The following RBM46 variants were observed in gnomAD, a reference collection of about 807,000 sequenced individuals.
The protein encoded by RBM46 is probable RNA-binding protein 46.
RBM46 carries 12 observed loss-of-function variants against 43.3 expected under a neutral mutation model. The ratio of observed to expected loss-of-function variants is 0.28; its 90% confidence interval spans 0.18 to 0.45. The LOEUF (loss-of-function observed/expected upper bound fraction) is 0.45. Among genes scored for constraint, RBM46 ranks in the 20% least tolerant of loss-of-function variants. RBM46 has a pLI of 1.00. For synonymous variants in RBM46, 205 were observed against 207.6 expected (o/e 0.99, Z 0.11); for missense variants, 412 against 639.1 (o/e 0.64, Z 3.83).
In RBM46 at chr4:154,794,331, C is replaced by T. The variant is rs553887619; in HGVS notation, c.-11-2411C>T. On this transcript the variant is annotated intron_variant, in intron 1 of 4. Transcript: ENST00000281722. ...GAGTAGCTGGGACTACAGGCACCCG[C>T]CACCACGCCCGGCTAAATTTTTCTA... 7.2e-5 allele frequency among the ~76,000 whole-genome samples: 11 copies of T among 152,118 alleles called. No homozygotes were observed. The South Asian group carries it at 2.1e-3, about 29-fold the overall frequency.
chr4:154,796,384 G>C (rs563284965), intron 1 of RBM46, among the ~76,000 whole-genome samples: 54 of 152,296 alleles, frequency 3.5e-4, no homozygotes, highest in African/African-American at 1.2e-3. Context: ...TATGTAGATT[G>C]GCAGGTATAT....
At chr4:154,818,786 C>T (rs1312919039) in intron 4 of RBM46, among the ~76,000 whole-genome samples, 1 of 151,952 alleles carries the variant, frequency 6.6e-6, no homozygotes, top group Non-Finnish European at 1.5e-5. Flanking sequence ...GTATGTCAGT[C>T]TGTATATTTT....
chr4:154,826,136 A>C (rs1248499777), intron 4 of RBM46, among the ~76,000 whole-genome samples: 1 of 149,696 alleles, frequency 6.7e-6, no homozygotes, highest in Non-Finnish European at 1.5e-5. Flanking sequence ...CCTTCAGGTG[A>C]AGTGGATCCT....
In RBM46 at chr4:154,798,226, G is replaced by T. The variant is rs1460918383; in HGVS notation, c.567G>T (p.Val189=). 1 of 1,610,466 alleles carries T rather than the reference G, an allele frequency of 6.2e-7. No individual in the cohort carries two copies. Among genetic ancestry groups the T allele is most frequent in the Non-Finnish European group, 8.5e-7 (1 of 1,178,758 alleles). The change falls in exon 3 of 5, where the codon GTG becomes GTT. Residue 189 remains valine (V), a synonymous_variant. Coordinates refer to ENST00000281722, the MANE Select transcript of RBM46 (RefSeq NM_144979.5). ...DKTKNRGFAF[V]EYESHRAAAM... is the part of the protein sequence containing the mutation. Reference sequence around the variant, plus strand: ...CCAAAAATCGTGGTTTTGCATTTGTGGAATATGAATCTCACAGAGCTGCTG... The same window carrying T: ...CCAAAAATCGTGGTTTTGCATTTGTTGAATATGAATCTCACAGAGCTGCTG...
Position 154,798,092 on chromosome 4 carries a change from A to G in RBM46, c.433A>G (p.Ile145Val). 1 of 1,613,980 alleles carries G rather than the reference A, an allele frequency of 6.2e-7. No individual in the cohort carries two copies. Among genetic ancestry groups the G allele is most frequent in the Non-Finnish European group, 8.5e-7 (1 of 1,179,914 alleles). The change falls in exon 3 of 5, where the codon ATT becomes GTT. Residue 145 changes from isoleucine (I) to valine (V), a missense_variant. Transcript: ENST00000281722. Reference protein sequence around the residue: ...CVSLDNCRLFIGAIPKEKKKE... With the variant: ...CVSLDNCRLFVGAIPKEKKKE... Reference sequence around the variant, plus strand: ...AAGCCTGGATAATTGTAGATTATTTATTGGAGCTATTCCCAAGGAAAAGAA... The same window carrying G: ...AAGCCTGGATAATTGTAGATTATTTGTTGGAGCTATTCCCAAGGAAAAGAA...
chr4:154,819,039 G>T (rs1283561104), intron 4 of RBM46, among the ~76,000 whole-genome samples: 1 of 152,074 alleles, frequency 6.6e-6, no homozygotes, highest in East Asian at 1.9e-4. Context: ...ACTGTTGTCT[G>T]CTGTTTCTGT....
chr4:154,811,653 G>A (rs1273031379), intron 4 of RBM46, among the ~76,000 whole-genome samples: 4 of 125,012 alleles, frequency 3.2e-5, no homozygotes, highest in East Asian at 2.4e-4. Flanking sequence ...GATAGGATAT[G>A]TGTGTGTGTG....
At chr4:154,783,676 CA>C (rs1440754280) in intron 1 of RBM46, among the ~76,000 whole-genome samples, 8 of 152,174 alleles carry the variant, frequency 5.3e-5, no homozygotes, top group African/African-American at 1.9e-4. Context: ...CCTTTGTGTT[CA>C]AAGCAGTATT....
intron 2 of RBM46, 79 bp downstream of exon 2, chr4:154,796,982 C>A: frequency 1.7e-6 from 2 of 1,206,102 alleles, no homozygotes; most frequent in Non-Finnish European, 2.3e-6. Context: ...CACAAGTATT[C>A]CAAACAATAG....
chr4:154,793,990 TCTTTC>T (rs781736953), intron 1 of RBM46, among the ~76,000 whole-genome samples: 1 of 152,154 alleles, frequency 6.6e-6, no homozygotes, highest in African/African-American at 2.4e-5. Flanking sequence ...AGTGTTCATC[TCTTTC>T]CTTGTTGCTT....
chr4:154,809,067 T>C (rs76978216), intron 4 of RBM46, among the ~76,000 whole-genome samples: 4 of 151,466 alleles, frequency 2.6e-5, no homozygotes, highest in African/African-American at 4.9e-5. Flanking sequence ...ACTTAGTAGA[T>C]TTAAGATTTT....
At chr4:154,815,557 C>T (rs775315811) in intron 4 of RBM46, among the ~76,000 whole-genome samples, 5 of 151,838 alleles carry the variant, frequency 3.3e-5, no homozygotes, top group East Asian at 1.9e-4. Context: ...TGATAACTTA[C>T]GATATTGATC....
At chr4:154,801,366 T>C (rs1466903925) in intron 4 of RBM46, among the ~76,000 whole-genome samples, 3 of 152,192 alleles carry the variant, frequency 2.0e-5, no homozygotes, top group Non-Finnish European at 4.4e-5. Context: ...TTGGAGATAT[T>C]TGGGGATTTA....
intron 4 of RBM46, among the ~76,000 whole-genome samples, chr4:154,816,611 A>T (rs1332127747): frequency 2.6e-5 from 4 of 151,916 alleles, no homozygotes; most frequent in Admixed American, 6.6e-5. Context: ...CTCTACAGTA[A>T]TTTTTCTGCA....
At chr4:154,795,607 C>T (rs1271605161) in intron 1 of RBM46, among the ~76,000 whole-genome samples, 1 of 151,982 alleles carries the variant, frequency 6.6e-6, no homozygotes, top group Non-Finnish European at 1.5e-5. Context: ...ACCTTTGAAG[C>T]TTTTAAACTT....
At chr4:154,807,544 T>G (rs1734966620) in intron 4 of RBM46, among the ~76,000 whole-genome samples, 2 of 151,900 alleles carry the variant, frequency 1.3e-5, no homozygotes, top group Non-Finnish European at 3.0e-5. Flanking sequence ...TATTTTATGC[T>G]TTTAACTACT....
Position 154,828,143 on chromosome 4 carries a change from T to C in RBM46, c.*76T>C. 8.7e-7 allele frequency: 1 copy of C among 1,143,140 alleles called. No individual in the cohort carries two copies. 70.8% of individuals were successfully genotyped at this position (1,143,140 alleles called of 1,614,324 possible). On this transcript the variant is annotated 3_prime_UTR_variant, in exon 5 of 5. Transcript: ENST00000281722. ...ACTTGCAAATTAAAATATTGTTTTATTTTAGAATCGGGTTTGCATATTTGG... is the reference window on the plus strand; with the variant it reads ...ACTTGCAAATTAAAATATTGTTTTACTTTAGAATCGGGTTTGCATATTTGG...
At chr4:154,803,289 A>G (rs564817232) in intron 4 of RBM46, among the ~76,000 whole-genome samples, 1 of 152,304 alleles carries the variant, frequency 6.6e-6, no homozygotes, top group African/African-American at 2.4e-5. Flanking sequence ...GTTAATGCCA[A>G]AATAGAACCT....
At chr4:154,801,092 C>T (rs978407495) in intron 4 of RBM46, among the ~76,000 whole-genome samples, 4 of 151,802 alleles carry the variant, frequency 2.6e-5, no homozygotes, top group Non-Finnish European at 5.9e-5. Context: ...AATTCTCCTG[C>T]CTCAGCCTCC....
Sources: gnomAD v4.1 joint callset for allele counts (sites outside exome capture counted in the v4.1 genomes callset) on GRCh38, gnomAD v4.1.1 for gene constraint, MANE v1.5 for transcripts, NCBI Gene and HGNC (gene_info 2026-07-23, HGNC 2026-07-21) for gene names.